Variants in FBXO25 observed in about 807,000 individuals in gnomAD.
FBXO25 encodes F-box protein 25.
Under a neutral mutation model 51.9 loss-of-function variants are expected in FBXO25, and 45 were observed. That is an observed-to-expected ratio of 0.87 (90% CI 0.68 to 1.11). The LOEUF is 1.11. Ranked by LOEUF, FBXO25 falls within the 50% of genes most tolerant of loss-of-function variation. The probability of loss-of-function intolerance (pLI) is 0.00; values close to 1 mark genes in which losing one functional copy is unlikely to be tolerated. For missense variants in FBXO25, 507 were observed against 428.5 expected, an observed-to-expected ratio of 1.18 and a Z score of -1.62; for synonymous variants, 199 against 151.0, an observed-to-expected ratio of 1.32 and a Z score of -2.33.
chr8:412,646 C>G (rs772681409), intron 1 of FBXO25, among the ~76,000 whole-genome samples: 3 of 152,232 alleles, frequency 2.0e-5, no homozygotes, highest in Non-Finnish European at 4.4e-5. Context: ...CTGGCCCACT[C>G]TCTCTCATCT....
intron 5 of FBXO25, among the ~76,000 whole-genome samples, chr8:436,184 T>C (rs1023300879): frequency 6.6e-6 from 1 of 152,246 alleles, no homozygotes; most frequent in African/African-American, 2.4e-5. Context: ...GCATTAATGA[T>C]ACCCTTTTGG....
chr8:464,441 C>T (rs950319119), intron 9 of FBXO25, among the ~76,000 whole-genome samples: 3 of 152,194 alleles, frequency 2.0e-5, no homozygotes, highest in Non-Finnish European at 4.4e-5. Context: ...CGGAGGGAGT[C>T]CTCTGACTGT....
Position 461,995 on chromosome 8 carries a change from T to C in FBXO25, c.844-1012T>C, listed in dbSNP as rs139919993. On this transcript the variant is annotated intron_variant, in intron 8 of 9. Coordinates refer to ENST00000350302, the MANE Select transcript of FBXO25 (RefSeq NM_183420.2). ...GTTTGTGTGTAGATGCATGTTTTCA[T>C]TTCTCTTGGTTATAAACCTAGGAGT... Among the ~76,000 whole-genome samples, 40 of 152,226 alleles carry C rather than the reference T, an allele frequency of 2.6e-4. No individual in the cohort carries two copies. In the South Asian group the frequency reaches 7.7e-3, roughly 29 times the overall value.
chr8:417,661 G>A (rs1048984326), intron 2 of FBXO25, among the ~76,000 whole-genome samples: 12 of 152,208 alleles, frequency 7.9e-5, no homozygotes, highest in African/African-American at 2.9e-4. Context: ...GTGAGGTGGT[G>A]TCACCATGTT....
intron 3 of FBXO25, among the ~76,000 whole-genome samples, chr8:432,084 A>T (rs1422715706): frequency 2.6e-5 from 4 of 152,218 alleles, no homozygotes; most frequent in African/African-American, 7.2e-5. Flanking sequence ...GAATAATAAA[A>T]TGAAACAGTT....
Position 468,775 on chromosome 8 carries a change from C to T in FBXO25, c.1048C>T (p.Gln350Ter). 2.5e-6 allele frequency: 4 copies of T among 1,614,056 alleles called. No individual in the cohort carries two copies. The highest frequency in any genetic ancestry group is 3.4e-6 in the Non-Finnish European group (4 of 1,180,008). ...PDSCFTPVSP[Q>*]HFIDLFKF ...CAGCTGCTTCACGCCTGTGTCTCCG[C>T]AGCACTTCATCGACCTCTTCAAGTT... The change falls in exon 10 of 10, where the codon CAG (glutamine) becomes TAG (stop). Residue 350 changes from glutamine (Q) to a stop codon, truncating the protein, a stop_gained. Transcript: ENST00000350302. LOFTEE classifies it high-confidence loss of function.
At chr8:467,993 A>C (rs1400315905) in intron 9 of FBXO25, 1 of 1,360,178 alleles carries the variant, frequency 7.4e-7, no homozygotes, top group African/African-American at 1.5e-5. Flanking sequence ...ATGTGCGCAT[A>C]AACACTTCAC....
At chr8:450,930 C>G in intron 6 of FBXO25, 1 of 210,986 alleles carries the variant, frequency 4.7e-6, no homozygotes, top group East Asian at 1.4e-4. Context: ...CTCCTCCCCA[C>G]CAGCCCCTGG....
At chr8:467,327 C>T (rs370436080) in intron 9 of FBXO25, among the ~76,000 whole-genome samples, 7 of 152,282 alleles carry the variant, frequency 4.6e-5, no homozygotes, top group African/African-American at 1.7e-4. Flanking sequence ...AAATGAAGAA[C>T]AAAGAACTTT....
chr8:433,866 G>T (rs970058901), intron 4 of FBXO25, among the ~76,000 whole-genome samples: 3 of 152,148 alleles, frequency 2.0e-5, no homozygotes, highest in African/African-American at 4.8e-5. Flanking sequence ...TGGTTAGTGG[G>T]TATAGAATGA....
chr8:429,633 G>T (rs180790951), intron 2 of FBXO25, among the ~76,000 whole-genome samples: 1 of 152,276 alleles, frequency 6.6e-6, no homozygotes, highest in East Asian at 1.9e-4. Flanking sequence ...TTGTTTACCT[G>T]ACAGTGTAAA....
chr8:449,562 GAT>G (rs1798948207), intron 5 of FBXO25, among the ~76,000 whole-genome samples: 2 of 152,202 alleles, frequency 1.3e-5, no homozygotes, highest in South Asian at 4.1e-4. Context: ...TTGATTTTCT[GAT>G]TGTCTGTTCA....
intron 7 of FBXO25, among the ~76,000 whole-genome samples, chr8:455,295 C>T (rs1411590593): frequency 6.6e-6 from 1 of 152,094 alleles, no homozygotes; most frequent in Admixed American, 6.5e-5. Flanking sequence ...CAGGGACCAG[C>T]CAGGTTGGAG....
chr8:413,524 A>G (rs1430537068), intron 2 of FBXO25, among the ~76,000 whole-genome samples: 2 of 152,156 alleles, frequency 1.3e-5, no homozygotes, highest in Non-Finnish European at 2.9e-5. Flanking sequence ...TTTTGGTGGC[A>G]TATATCAGAA....
chr8:418,589 C>G (rs2117477849), intron 2 of FBXO25, among the ~76,000 whole-genome samples: 1 of 152,274 alleles, frequency 6.6e-6, no homozygotes, highest in East Asian at 1.9e-4. Context: ...ATGCACCCGC[C>G]TCAGCCTCCC....
In FBXO25 at chr8:451,417, C is replaced by T; in HGVS notation, c.624C>T (p.Ala208=). 1 of 1,613,894 alleles carries T rather than the reference C, an allele frequency of 6.2e-7. No individual in the cohort carries two copies. Among genetic ancestry groups the T allele is most frequent in the Non-Finnish European group, 8.5e-7 (1 of 1,179,926 alleles). ...IWICRLETIL[A]WQQQLQDLQM... ...TTTGCCGATTAGAAACTATTCTCGC[C>T]TGGCAACAACAGCTACAGGATCTTC... The change falls in exon 7 of 10, where the codon GCC becomes GCT. Residue 208 remains alanine (A), a synonymous_variant. Coordinates refer to ENST00000350302, the MANE Select transcript of FBXO25 (RefSeq NM_183420.2).
At chr8:423,817 G>A (rs990126406) in intron 2 of FBXO25, among the ~76,000 whole-genome samples, 3 of 152,184 alleles carry the variant, frequency 2.0e-5, no homozygotes, top group African/African-American at 7.2e-5. Flanking sequence ...CCAGTAATGG[G>A]GTTGCTGGAT....
At chr8:460,784 C>T (rs1248828063) in intron 8 of FBXO25, among the ~76,000 whole-genome samples, 1 of 152,192 alleles carries the variant, frequency 6.6e-6, no homozygotes, top group African/African-American at 2.4e-5. Context: ...GCCTGGAGGA[C>T]AGAGAAATTA....
At chr8:458,337 C>G in intron 7 of FBXO25, 32 bp from the exon 8 acceptor site, 1 of 1,602,706 alleles carries the variant, frequency 6.2e-7, no homozygotes, top group East Asian at 2.2e-5. Flanking sequence ...TGGCCATCTT[C>G]TCAGTGAGTT....
Sources: allele counts gnomAD v4.1 joint callset (sites outside exome capture counted in the v4.1 genomes callset), GRCh38; gene constraint gnomAD v4.1.1; transcripts MANE v1.5; gene names NCBI Gene and HGNC (gene_info 2026-07-23, HGNC 2026-07-21).